Variants in TLN2 observed in about 807,000 individuals in gnomAD.
TLN2 encodes talin-2.
Under a neutral mutation model 294.7 loss-of-function variants are expected in TLN2, and 118 were observed. The ratio of observed to expected loss-of-function variants is 0.40; its 90% CI spans 0.34 to 0.47. The LOEUF is 0.47. TLN2 is among the 20% of genes least tolerant of loss of function. The probability of loss-of-function intolerance (pLI) is 0.84; values close to 1 mark genes in which losing one functional copy is unlikely to be tolerated. For synonymous variants in TLN2, 1,431 were observed against 1,304.5 expected, an observed-to-expected ratio of 1.10 and a Z score of -2.09; for missense variants, 3,083 against 3,282.2, an observed-to-expected ratio of 0.94 and a Z score of 1.48.
chr15:62,750,248 T>A (rs1212582018), intron 33 of TLN2, among the ~76,000 whole-genome samples, 154 bp from the exon 34 acceptor site: 2 of 152,248 alleles, frequency 1.3e-5, no homozygotes, highest in Non-Finnish European at 2.9e-5. Context: ...TCTGAAGTCA[T>A]GATACCATGA....
chr15:62,444,987 A>G (rs2035744276), intron 1 of TLN2, among the ~76,000 whole-genome samples: 1 of 152,224 alleles, frequency 6.6e-6, no homozygotes, highest in Non-Finnish European at 1.5e-5. Context: ...GCTTTAACAA[A>G]ATTACAGTTA....
intron 14 of TLN2, among the ~76,000 whole-genome samples, chr15:62,696,511 A>C (rs2058348003): frequency 6.6e-6 from 1 of 152,176 alleles, no homozygotes; most frequent in Non-Finnish European, 1.5e-5. Context: ...GTTCAAGACC[A>C]GCCTGGCTAA....
intron 1 of TLN2, among the ~76,000 whole-genome samples, chr15:62,447,719 T>C (rs549571147): frequency 6.6e-6 from 1 of 152,172 alleles, no homozygotes; most frequent in Non-Finnish European, 1.5e-5. Flanking sequence ...GGTCTCGATC[T>C]CCTGACCCCG....
chr15:62,618,917 A>G (rs1406272664), intron 3 of TLN2, among the ~76,000 whole-genome samples: 1 of 152,210 alleles, frequency 6.6e-6, no homozygotes, highest in African/African-American at 2.4e-5. Context: ...AATGTTATAA[A>G]CTAAACTCAC....
chr15:62,447,525 C>T (rs1410256789), intron 1 of TLN2, among the ~76,000 whole-genome samples: 4 of 147,964 alleles, frequency 2.7e-5, no homozygotes, highest in South Asian at 2.1e-4. Context: ...GATGGAGTCT[C>T]GCTCTGTCGC....
intron 32 of TLN2, among the ~76,000 whole-genome samples, chr15:62,744,671 C>A (rs1433248716): frequency 6.6e-6 from 1 of 151,946 alleles, no homozygotes; most frequent in Non-Finnish European, 1.5e-5. Context: ...CTCAGCCTCC[C>A]GAGTAGCTGG....
intron 1 of TLN2, among the ~76,000 whole-genome samples, chr15:62,549,918 A>C (rs1233246836): frequency 6.6e-6 from 1 of 152,200 alleles, no homozygotes; most frequent in East Asian, 1.9e-4. Flanking sequence ...GCAGATTCCC[A>C]AGCCTGCCAC....
At chr15:62,588,170 G>A (rs149649667) in intron 1 of TLN2, among the ~76,000 whole-genome samples, 24 of 152,162 alleles carry the variant, frequency 1.6e-4, no homozygotes, top group African/African-American at 4.1e-4. Context: ...GTGAGCCACC[G>A]CACCCGGCCT....
chr15:62,532,118 A>G lies in TLN2; in HGVS notation c.-237-57569A>G, dbSNP rs2041076702. On this transcript the variant is annotated intron_variant, in intron 1 of 58. Transcript: ENST00000636159. ...AGGCTGGGGTGCAAAGGGGCAAACA[A>G]GGTTCACTATAGCCTTGACTTCCCA... 3.3e-5 allele frequency among the ~76,000 whole-genome samples: 5 copies of G among 151,836 alleles called. No individual in the cohort carries two copies. In the South Asian group the frequency reaches 1.0e-3, roughly 32 times the overall value.
intron 1 of TLN2, among the ~76,000 whole-genome samples, chr15:62,469,732 C>T (rs1159167200): frequency 6.6e-6 from 1 of 152,194 alleles, no homozygotes; most frequent in African/African-American, 2.4e-5. Context: ...AAGTGGATGC[C>T]TAATGAAGGA....
chr15:62,765,234 T>G (rs1016394905), intron 40 of TLN2, among the ~76,000 whole-genome samples: 2 of 152,118 alleles, frequency 1.3e-5, no homozygotes, highest in African/African-American at 4.8e-5. Flanking sequence ...ATGAAGATAA[T>G]AAGTAATTAG....
intron 1 of TLN2, among the ~76,000 whole-genome samples, chr15:62,474,037 T>G (rs1209236146): frequency 2.0e-5 from 3 of 152,196 alleles, no homozygotes; most frequent in Non-Finnish European, 4.4e-5. Flanking sequence ...GAAGTTGCAG[T>G]GAGCCCAGAC....
At chr15:62,757,934 G>C (rs1381546307) in intron 37 of TLN2, among the ~76,000 whole-genome samples, 1 of 152,144 alleles carries the variant, frequency 6.6e-6, no homozygotes, top group Admixed American at 6.5e-5. Flanking sequence ...TTTCACTGTA[G>C]CACATGGTAC....
At chr15:62,815,130 G>C (rs898933355) in intron 52 of TLN2, among the ~76,000 whole-genome samples, 6 of 151,632 alleles carry the variant, frequency 4.0e-5, no homozygotes, top group African/African-American at 1.5e-4. Flanking sequence ...ATTTGCAGGT[G>C]ATAGATTTAA....
chr15:62,767,096 A>G (rs151265005), intron 41 of TLN2, among the ~76,000 whole-genome samples: 370 of 152,326 alleles, frequency 2.4e-3, no homozygotes, highest in African/African-American at 8.7e-3. Context: ...CTAGCATTTT[A>G]TCAGTGCAGC....
intron 42 of TLN2, among the ~76,000 whole-genome samples, chr15:62,771,958 C>CCTTTT (rs1261588483): frequency 2.0e-5 from 3 of 152,136 alleles, no homozygotes; most frequent in Non-Finnish European, 2.9e-5. Flanking sequence ...CATGGACTTT[C>CCTTTT]CTTTTCTTTT....
chr15:62,795,043 C>T (rs982749941), intron 46 of TLN2, among the ~76,000 whole-genome samples: 5 of 152,164 alleles, frequency 3.3e-5, no homozygotes, highest in African/African-American at 1.2e-4. Flanking sequence ...AGGGCAAGAA[C>T]GGTGTGCTGT....
At chr15:62,442,945 G>A (rs1409450226) in intron 1 of TLN2, among the ~76,000 whole-genome samples, 2 of 152,064 alleles carry the variant, frequency 1.3e-5, no homozygotes, top group African/African-American at 2.4e-5. Context: ...TCCGTCTTCC[G>A]AGCCAGCAGT....
chr15:62,583,684 T>C (rs905653236), intron 1 of TLN2, among the ~76,000 whole-genome samples: 4 of 152,212 alleles, frequency 2.6e-5, no homozygotes, highest in Non-Finnish European at 5.9e-5. Flanking sequence ...TAGTAGTATG[T>C]TTAAGAACAG....
Sources: allele counts gnomAD v4.1 joint callset (sites outside exome capture counted in the v4.1 genomes callset), GRCh38; gene constraint gnomAD v4.1.1; transcripts MANE v1.5; gene names NCBI Gene and HGNC (gene_info 2026-07-23, HGNC 2026-07-21).